Variants in ADAMTSL1 observed in about 807,000 individuals in gnomAD.
ADAMTSL1 encodes the protein ADAMTS-like protein 1.
A neutral mutation model predicts 201.8 loss-of-function variants in ADAMTSL1; 126 were observed. The observed-to-expected ratio is 0.62, with a 90% CI of 0.54 to 0.72. The LOEUF (loss-of-function observed/expected upper bound fraction) is 0.72. Among genes scored for constraint, ADAMTSL1 ranks in the 30% least tolerant of loss-of-function variants. The probability of loss-of-function intolerance (pLI) is 0.00; values close to 1 mark genes in which losing one functional copy is unlikely to be tolerated. For missense variants in ADAMTSL1, 2,679 were observed against 2,277.8 expected (o/e 1.18, Z -3.59); for synonymous variants, 1,121 against 903.4 (o/e 1.24, Z -4.32).
chr9:18,455,354 T>C (rs1190552224), intron 2 of ADAMTSL1, among the ~76,000 whole-genome samples: 1 of 152,222 alleles, frequency 6.6e-6, no homozygotes, highest in Non-Finnish European at 1.5e-5. Context: ...AAAAACCATA[T>C]GTTTTAAATA....
At chr9:18,800,028 C>A (rs984738972) in intron 20 of ADAMTSL1, among the ~76,000 whole-genome samples, 7 of 152,024 alleles carry the variant, frequency 4.6e-5, no homozygotes, top group African/African-American at 1.7e-4. Context: ...CACAGAGGAC[C>A]TAGTCAACAA....
At chr9:18,015,659 C>G (rs186732092) in intron 1 of ADAMTSL1, among the ~76,000 whole-genome samples, 13 of 152,114 alleles carry the variant, frequency 8.5e-5, no homozygotes, top group Admixed American at 7.9e-4. Context: ...TTGTAATGTC[C>G]TGCGCTTATT....
At chr9:18,205,615 TC>T (rs1444659132) in intron 2 of ADAMTSL1, among the ~76,000 whole-genome samples, 6 of 152,262 alleles carry the variant, frequency 3.9e-5, no homozygotes, top group Admixed American at 2.6e-4. Flanking sequence ...GCTAGGTCTC[TC>T]TGGTTCCAAA....
intron 19 of ADAMTSL1, among the ~76,000 whole-genome samples, chr9:18,779,838 C>T (rs915888356): frequency 1.3e-5 from 2 of 152,190 alleles, no homozygotes; most frequent in African/African-American, 4.8e-5. Context: ...ATGCCCTCTC[C>T]TCTACCAGCC....
At chr9:18,166,625 C>A (rs991526316) in intron 2 of ADAMTSL1, among the ~76,000 whole-genome samples, 1 of 151,876 alleles carries the variant, frequency 6.6e-6, no homozygotes, top group African/African-American at 2.4e-5. Context: ...GTATCCCCAG[C>A]ACATAGAGCA....
intron 2 of ADAMTSL1, among the ~76,000 whole-genome samples, chr9:18,300,811 C>T (rs150203380): frequency 1.7e-3 from 263 of 151,820 alleles, no homozygotes; most frequent in African/African-American, 6.0e-3. Flanking sequence ...AGTACCCAGC[C>T]GAAATTGGAG....
intron 12 of ADAMTSL1, 58 bp from the exon 13 acceptor site, chr9:18,684,658 T>TA: frequency 6.5e-7 from 1 of 1,544,724 alleles, no homozygotes; most frequent in East Asian, 2.3e-5. Context: ...GGAATTTTCC[T>TA]AAAATCCCAG....
intron 2 of ADAMTSL1, among the ~76,000 whole-genome samples, chr9:18,192,848 T>G (rs1392398093): frequency 6.6e-6 from 1 of 152,196 alleles, no homozygotes; most frequent in Non-Finnish European, 1.5e-5. Context: ...GTTTTATTTA[T>G]GCAATATGCA....
At chr9:18,196,128 A>T (rs914979472) in intron 2 of ADAMTSL1, among the ~76,000 whole-genome samples, 21 of 152,000 alleles carry the variant, frequency 1.4e-4, no homozygotes, top group Admixed American at 1.2e-3. Flanking sequence ...TACTACATAG[A>T]GCTTCAGTTT....
At chr9:18,877,124 G>A (rs897395227) in intron 23 of ADAMTSL1, among the ~76,000 whole-genome samples, 1 of 151,930 alleles carries the variant, frequency 6.6e-6, no homozygotes, top group African/African-American at 2.4e-5. Context: ...CTATTTCTCT[G>A]GAGACTTTTC....
chr9:18,719,910 T>C (rs1833230796), intron 14 of ADAMTSL1, among the ~76,000 whole-genome samples: 1 of 152,144 alleles, frequency 6.6e-6, no homozygotes, highest in Non-Finnish European at 1.5e-5. Context: ...GATGAAGCAA[T>C]GCAGAAAATA....
intron 2 of ADAMTSL1, among the ~76,000 whole-genome samples, chr9:18,456,598 C>T (rs1820615487): frequency 6.6e-6 from 1 of 152,192 alleles, no homozygotes; most frequent in South Asian, 2.1e-4. Flanking sequence ...CTATAAAAGT[C>T]TTTCACTGCC....
At chr9:18,163,727 G>A (rs1434296692) in intron 1 of ADAMTSL1, 3 of 151,986 alleles carry the variant, frequency 2.0e-5, no homozygotes, top group East Asian at 1.9e-4. Flanking sequence ...GCATTAATAT[G>A]TATTTGCGTG....
At chr9:18,173,701 T>G (rs994314509) in intron 2 of ADAMTSL1, among the ~76,000 whole-genome samples, 5 of 152,216 alleles carry the variant, frequency 3.3e-5, no homozygotes, top group South Asian at 4.1e-4. Context: ...GCAGACAGAT[T>G]TTTAGGCTCA....
chr9:18,037,879 G>A (rs549243065), intron 1 of ADAMTSL1, among the ~76,000 whole-genome samples: 3 of 152,256 alleles, frequency 2.0e-5, no homozygotes, highest in Non-Finnish European at 2.9e-5. Flanking sequence ...ATTAAAATAG[G>A]CATGTTCTCC....
intron 2 of ADAMTSL1, among the ~76,000 whole-genome samples, chr9:18,226,867 G>T (rs556290749): frequency 5.7e-4 from 87 of 152,074 alleles, no homozygotes; most frequent in African/African-American, 1.9e-3. Context: ...CATGAATCCA[G>T]CATGAATATG....
intron 5 of ADAMTSL1, among the ~76,000 whole-genome samples, chr9:18,625,770 C>T (rs1378731397): frequency 6.6e-6 from 1 of 152,208 alleles, no homozygotes; most frequent in Non-Finnish European, 1.5e-5. Flanking sequence ...CTTTGCAGAA[C>T]TCTCGTCTGT....
intron 2 of ADAMTSL1, among the ~76,000 whole-genome samples, chr9:18,448,929 T>G (rs930436817): frequency 6.6e-6 from 1 of 152,120 alleles, no homozygotes; most frequent in African/African-American, 2.4e-5. Context: ...ATTATTAATA[T>G]CAAATAATAG....
At chr9:18,014,774 A>G (rs1386595083) in intron 1 of ADAMTSL1, among the ~76,000 whole-genome samples, 1 of 152,082 alleles carries the variant, frequency 6.6e-6, no homozygotes, top group African/African-American at 2.4e-5. Flanking sequence ...TGAATCATCC[A>G]GAGTGGTGTC....
Sources: allele counts gnomAD v4.1 joint callset (sites outside exome capture counted in the v4.1 genomes callset), GRCh38; gene constraint gnomAD v4.1.1; transcripts MANE v1.5; gene names NCBI Gene and HGNC (gene_info 2026-07-23, HGNC 2026-07-21).